The following SLC45A2 variants were observed in gnomAD, a reference collection of about 807,000 sequenced individuals.
The protein encoded by SLC45A2 is solute carrier family 45 member 2.
SLC45A2 carries 36 observed loss-of-function variants against 45.5 expected under a neutral mutation model. That is an observed-to-expected ratio of 0.79 (90% confidence interval 0.61 to 1.04). The LOEUF is 1.04. Ranked by LOEUF, SLC45A2 falls within the 50% of genes least tolerant of loss-of-function variation. SLC45A2 has a pLI of 0.00. For missense variants in SLC45A2, 719 were observed against 671.0 expected, an observed-to-expected ratio of 1.07 and a Z score of -0.79; for synonymous variants, 306 against 269.3, an observed-to-expected ratio of 1.14 and a Z score of -1.33.
chr5:33,979,754 G>A (rs951128777), intron 2 of SLC45A2, among the ~76,000 whole-genome samples: 5 of 152,196 alleles, frequency 3.3e-5, no homozygotes, highest in African/African-American at 1.2e-4. Flanking sequence ...GAGGTATAAT[G>A]AGGCATGTCC....
Position 33,946,519 on chromosome 5 carries a change from C to T in SLC45A2, c.1368+644G>A, listed in dbSNP as rs1005431763. The T allele has an allele frequency of 4.4e-5, 43 of 985,490 alleles. No homozygotes were observed. The African/African-American group carries it at 6.6e-4, about 15-fold the overall frequency. The allele number at this position is 985,490 out of a possible 1,614,324, so 61.0% of individuals were successfully genotyped here. On this transcript the variant is annotated intron_variant, in intron 6 of 6. Transcript: ENST00000296589. ...AGAGGTGGTAATTTTAGAGTGGAAA[C>T]ACCAACTCTGTTATAAGCACTGCAT... is the stretch of plus-strand genomic sequence containing the variant.
At chr5:33,972,233 A>G (rs1194105385) in intron 2 of SLC45A2, 4 of 524,380 alleles carry the variant, frequency 7.6e-6, no homozygotes, top group African/African-American at 1.9e-5. Flanking sequence ...AGAGATTCAG[A>G]GAACTTTAAT....
chr5:33,976,420 T>G (rs766560878), intron 2 of SLC45A2, among the ~76,000 whole-genome samples: 2 of 152,184 alleles, frequency 1.3e-5, no homozygotes, highest in Non-Finnish European at 2.9e-5. Context: ...ATAACTAACA[T>G]GGAAGGTGGA....
chr5:33,947,247 G>GC lies in SLC45A2; in HGVS notation c.1283dup (p.Cys428TrpfsTer17). The GC allele has an allele frequency of 1.2e-6, 2 of 1,614,204 alleles. No homozygotes were observed. The highest frequency in any genetic ancestry group is 1.7e-6 in the Non-Finnish European group (2 of 1,180,042). On this transcript the variant is annotated frameshift_variant, in exon 6 of 7. Coordinates refer to ENST00000296589, the MANE Select transcript of SLC45A2 (RefSeq NM_016180.5). LOFTEE classifies it high-confidence loss of function. The stretch of plus-strand genomic sequence containing the variant: ...TGCTGGACATTACACCAAACAGGCT[G>GC]CACAGGACCAGGGTGGAGTAGACAT...
intron 2 of SLC45A2, among the ~76,000 whole-genome samples, chr5:33,969,065 C>CTCTCTCTCTCTGTGTG: frequency 7.8e-5 from 8 of 102,466 alleles, no homozygotes; most frequent in African/African-American, 3.0e-4. Context: ...CTCTCTCTCT[C>CTCTCTCTCTCTGTGTG]TGTGTGTGTG....
intron 3 of SLC45A2, among the ~76,000 whole-genome samples, chr5:33,958,054 G>A (rs1305684167): frequency 6.6e-6 from 1 of 152,096 alleles, no homozygotes; most frequent in East Asian, 1.9e-4. Flanking sequence ...TTGTTTTACT[G>A]CATTTATTTT....
chr5:33,951,837 A>T (rs1230285652), intron 4 of SLC45A2, among the ~76,000 whole-genome samples, 160 bp from the exon 5 acceptor site: 2 of 152,184 alleles, frequency 1.3e-5, no homozygotes, highest in African/African-American at 4.8e-5. Flanking sequence ...GCATCCTATC[A>T]CATCTTCATT....
At chr5:33,975,533 C>G (rs1413539324) in intron 2 of SLC45A2, among the ~76,000 whole-genome samples, 2 of 152,148 alleles carry the variant, frequency 1.3e-5, no homozygotes, top group East Asian at 3.8e-4. Context: ...ATTATTTACT[C>G]ATATATGGGA....
intron 3 of SLC45A2, 147 bp from the exon 4 acceptor site, chr5:33,954,651 T>G: frequency 8.7e-7 from 1 of 1,149,494 alleles, no homozygotes; most frequent in South Asian, 1.3e-5. Context: ...TAGGTTTCCA[T>G]GGAGTAGACT....
intron 2 of SLC45A2, among the ~76,000 whole-genome samples, chr5:33,981,235 G>A (rs539739148): frequency 2.6e-5 from 4 of 152,302 alleles, no homozygotes; most frequent in Admixed American, 1.3e-4. Flanking sequence ...GTGCTCCAAC[G>A]GCCTCACTCC....
At chr5:33,961,915 C>G (rs1248615419) in intron 3 of SLC45A2, among the ~76,000 whole-genome samples, 2 of 152,216 alleles carry the variant, frequency 1.3e-5, no homozygotes, top group Admixed American at 1.3e-4. Flanking sequence ...GGAGGACTCC[C>G]ATTTGGCCTG....
chr5:33,947,108 C>T (rs1441331002), intron 6 of SLC45A2, 55 bp downstream of exon 6: 2 of 1,614,032 alleles, frequency 1.2e-6, no homozygotes, highest in African/African-American at 2.7e-5. Context: ...AAATCCTCCC[C>T]AGCCTTCAGA....
At chr5:33,953,143 G>T (rs1470247422) in intron 4 of SLC45A2, among the ~76,000 whole-genome samples, 1 of 149,032 alleles carries the variant, frequency 6.7e-6, no homozygotes, top group Non-Finnish European at 1.5e-5. Context: ...GAATAGTGCC[G>T]CAGTAAACAT....
intron 6 of SLC45A2, chr5:33,946,861 T>G: frequency 7.4e-7 from 1 of 1,353,146 alleles, no homozygotes. Flanking sequence ...TTTGTGTAAT[T>G]GTGGGCTGGT....
chr5:33,984,612 G>T lies in SLC45A2; in HGVS notation c.-29C>A. 6.2e-7 allele frequency: 1 copy of T among 1,605,326 alleles called. No individual in the cohort carries two copies. On this transcript the variant is annotated 5_prime_UTR_variant, in exon 1 of 7. Coordinates refer to ENST00000296589, the MANE Select transcript of SLC45A2 (RefSeq NM_016180.5). The stretch of plus-strand genomic sequence containing the variant: ...CACTGGGAGAGGAACCTTCCTGCGA[G>T]CCCACCACCTCCTGCGTGGTCCTAG...
intron 2 of SLC45A2, among the ~76,000 whole-genome samples, chr5:33,977,854 A>T (rs1228986078): frequency 6.6e-6 from 1 of 152,160 alleles, no homozygotes; most frequent in African/African-American, 2.4e-5. Flanking sequence ...TCTGTCTAGG[A>T]AAATATTATT....
intron 2 of SLC45A2, among the ~76,000 whole-genome samples, chr5:33,965,102 A>G (rs1484135104): frequency 6.6e-6 from 1 of 152,184 alleles, no homozygotes; most frequent in Non-Finnish European, 1.5e-5. Flanking sequence ...ACCAACCACA[A>G]CTTATCTAGC....
intron 2 of SLC45A2, chr5:33,971,507 T>A (rs57728056): frequency 0.014 from 4,129 of 297,088 alleles, 170 homozygotes; most frequent in African/African-American, 0.087. Flanking sequence ...ACTGTGGTCT[T>A]GGCTCACTGC....
chr5:33,957,447 T>A (rs1032016231), intron 3 of SLC45A2, among the ~76,000 whole-genome samples: 1 of 152,190 alleles, frequency 6.6e-6, no homozygotes, highest in Non-Finnish European at 1.5e-5. Context: ...GTTGATTTTT[T>A]AAAATTCATC....
Sources: allele counts gnomAD v4.1 joint callset (sites outside exome capture counted in the v4.1 genomes callset), GRCh38; gene constraint gnomAD v4.1.1; transcripts MANE v1.5; gene names NCBI Gene and HGNC (gene_info 2026-07-23, HGNC 2026-07-21).